The following TMEM260 variants were observed in gnomAD, a reference collection of about 807,000 sequenced individuals.
TMEM260 encodes the protein protein O-mannosyl-transferase TMEM260.
TMEM260 carries 82 observed loss-of-function variants against 88.9 expected under a neutral mutation model. That is an observed-to-expected ratio of 0.92 (90% CI 0.77 to 1.11). The LOEUF (loss-of-function observed/expected upper bound fraction) is 1.11, where lower values mean the gene tolerates loss of function less well. TMEM260 is among the 50% of genes least tolerant of loss of function. The pLI is 0.00. For synonymous variants in TMEM260, 314 were observed against 309.3 expected, an observed-to-expected ratio of 1.02 and a Z score of -0.16; for missense variants, 902 against 853.4, an observed-to-expected ratio of 1.06 and a Z score of -0.71.
chr14:56,654,814 CAAAAAAAAAAA>C (rs750160414), downstream of TMEM260, among the ~76,000 whole-genome samples: 2 of 51,790 alleles, frequency 3.9e-5, no homozygotes, highest in Non-Finnish European at 6.3e-5. Flanking sequence ...AACTCCATCT[CAAAAAAAAAAA>C]AAAAAAAAAA....
At chr14:56,625,832 G>A (rs1888213903) in intron 12 of TMEM260, among the ~76,000 whole-genome samples, 1 of 152,174 alleles carries the variant, frequency 6.6e-6, no homozygotes, top group South Asian at 2.1e-4. Flanking sequence ...CAGGTGGATG[G>A]CAAGCAATTA....
At chr14:56,593,012 A>C (rs1291979527) in intron 3 of TMEM260, 1 of 152,266 alleles carries the variant, frequency 6.6e-6, no homozygotes, top group Admixed American at 6.5e-5. Context: ...CTACACATGA[A>C]AATCAAATAC....
chr14:56,618,868 CAA>C (rs1198001522), intron 10 of TMEM260, 105 bp downstream of exon 10: 3 of 1,116,248 alleles, frequency 2.7e-6, no homozygotes, highest in Non-Finnish European at 3.8e-6. Context: ...TTTCAAGACT[CAA>C]AGTGAGACAG....
chr14:56,580,014 G>A lies in TMEM260; in HGVS notation c.100G>A (p.Ala34Thr). The A allele has an allele frequency of 8.0e-7, 1 of 1,248,148 alleles. No individual in the cohort carries two copies. Among genetic ancestry groups the A allele is most frequent in the Non-Finnish European group, 1.0e-6 (1 of 989,266 alleles). 77.3% of individuals were successfully genotyped at this position (1,248,148 alleles called of 1,614,324 possible). ...GGIRGGVAVF[A>T]AVAAVFTFTL... ...CATCCGCGGCGGCGTGGCGGTGTTC[G>A]CCGCCGTGGCCGCAGTGTTCACCTT... The change falls in exon 1 of 16, where the codon GCC becomes ACC. Residue 34 changes from alanine (A) to threonine (T), a missense_variant. Ala to Thr is a moderately conservative substitution (Grantham distance 58). Transcript: ENST00000261556.
At chr14:56,584,883 TAC>T in intron 1 of TMEM260, 116 bp from the exon 2 acceptor site, 1 of 750,888 alleles carries the variant, frequency 1.3e-6, no homozygotes, top group Non-Finnish European at 2.3e-6. Context: ...TCTACAGATT[TAC>T]AGTTTTATCC....
rs1232151843 is a variant in TMEM260 at position 56,647,423 on chromosome 14, C to G, written c.2050C>G (p.Gln684Glu). ...TCAGAAAGCACCGAATGACCCACAG[C>G]AAGCTGATATTTTAGGTGCTCTAAA... ...YSQKAPNDPQ[Q>E]ADILGALKHL... Residue 684 changes from glutamine to glutamate, a missense_variant, in exon 16 of 16, where the codon CAA (glutamine) becomes GAA (glutamate). Transcript: ENST00000261556. The G allele has an allele frequency of 6.2e-7, 1 of 1,614,158 alleles. No homozygotes were observed. The highest frequency in any genetic ancestry group is 1.3e-5 in the African/African-American group (1 of 75,038).
At chr14:56,596,518 G>A (rs1248545452) in intron 3 of TMEM260, among the ~76,000 whole-genome samples, 2 of 149,786 alleles carry the variant, frequency 1.3e-5, no homozygotes, top group African/African-American at 4.9e-5. Context: ...TGTAATCCCA[G>A]CACTTTGGGA....
In TMEM260 at chr14:56,633,384, G is replaced by A; in HGVS notation, c.1724+213G>A. 3 of 409,016 alleles carry A rather than the reference G, an allele frequency of 7.3e-6. No individual in the cohort carries two copies. The East Asian group carries it at 1.3e-4, about 18-fold the overall frequency. The allele number at this position is 409,016 out of a possible 1,614,324, so 25.3% of individuals were successfully genotyped here. On this transcript the variant is annotated intron_variant, in intron 13 of 15. Coordinates refer to ENST00000261556, the MANE Select transcript of TMEM260 (RefSeq NM_017799.4). The stretch of plus-strand genomic sequence containing the variant: ...ACAATGGGGAGAGAGGAGGGAAGAG[G>A]GTGCTGGTTGTGTGGATACCATGAT...
At chr14:56,662,989 G>A in the TMEM260 span, among the ~76,000 whole-genome samples, 5 of 152,138 alleles carry the variant, frequency 3.3e-5, no homozygotes, top group East Asian at 1.9e-4. Flanking sequence ...TTAGCCAGGC[G>A]TGGTGGCACA....
intron 10 of TMEM260, among the ~76,000 whole-genome samples, chr14:56,621,285 T>A (rs1234870003): frequency 6.6e-6 from 1 of 152,158 alleles, no homozygotes. Flanking sequence ...ACTGATTCCC[T>A]TTTTCTGGAA....
chr14:56,613,392 A>G (rs371117027), intron 7 of TMEM260: 4 of 152,188 alleles, frequency 2.6e-5, no homozygotes, highest in East Asian at 3.8e-4. Flanking sequence ...TTCTACTTCA[A>G]AAAAGGTACA....
intron 15 of TMEM260, among the ~76,000 whole-genome samples, chr14:56,646,195 A>G (rs1889955217): frequency 6.6e-6 from 1 of 152,250 alleles, no homozygotes; most frequent in Non-Finnish European, 1.5e-5. Context: ...TATATCAAAC[A>G]TGAATTGTGG....
intron 15 of TMEM260, among the ~76,000 whole-genome samples, chr14:56,639,928 G>C (rs1435915126): frequency 2.0e-5 from 3 of 152,186 alleles, no homozygotes; most frequent in Non-Finnish European, 1.5e-5. Flanking sequence ...TGGCAGCAAG[G>C]CTGGAGGAGG....
Position 56,648,078 on chromosome 14 carries a change from CACTA to C in TMEM260, c.*583_*586del, listed in dbSNP as rs1890077310. ...ACTGTCTTAGATCGTTCTTGGAAATCACTAAAAAAAAAAAAAGTTAATTTGATGT... is the reference window on the plus strand; with the variant it reads ...ACTGTCTTAGATCGTTCTTGGAAATCAAAAAAAAAAAAGTTAATTTGATGT... On this transcript the variant is annotated 3_prime_UTR_variant, in exon 16 of 16. Coordinates refer to ENST00000261556, the MANE Select transcript of TMEM260 (RefSeq NM_017799.4). 1 of 150,000 alleles carries C rather than the reference CACTA, an allele frequency of 6.7e-6. No individual in the cohort carries two copies. The highest frequency in any genetic ancestry group is 1.5e-5 in the Non-Finnish European group (1 of 67,562). 9.3% of individuals were successfully genotyped at this position (150,000 alleles called of 1,614,324 possible).
chr14:56,583,246 A>G (rs1885252556), intron 1 of TMEM260, among the ~76,000 whole-genome samples: 1 of 152,242 alleles, frequency 6.6e-6, no homozygotes, highest in Admixed American at 6.5e-5. Context: ...TGTTTGAGAC[A>G]TTGTGAGACC....
intron 15 of TMEM260, among the ~76,000 whole-genome samples, chr14:56,639,499 A>G (rs571997514): frequency 1.3e-5 from 2 of 152,310 alleles, no homozygotes; most frequent in East Asian, 3.9e-4. Flanking sequence ...TTTGTATAGA[A>G]ATATGTAGTA....
rs559412525 is a variant in TMEM260 at position 56,628,519 on chromosome 14, T to C, written c.1547+2989T>C. ...TTCTCATGTTTTCTTCTATGAGTTC[T>C]ATAGTTTTGTTTTTGTGTTTGGATG... On this transcript the variant is annotated intron_variant, in intron 12 of 15. Coordinates refer to ENST00000261556, the MANE Select transcript of TMEM260 (RefSeq NM_017799.4). Among the ~76,000 whole-genome samples, 3 of 152,352 alleles carry C rather than the reference T, an allele frequency of 2.0e-5. No homozygotes were observed. The East Asian group carries it at 5.8e-4, about 29-fold the overall frequency.
chr14:56,605,737 T>C (rs1886861615), intron 5 of TMEM260, 54 bp downstream of exon 5: 2 of 1,106,194 alleles, frequency 1.8e-6, no homozygotes, highest in African/African-American at 1.6e-5. Flanking sequence ...AGGTCTAATA[T>C]AACATTTTTG....
At chr14:56,594,081 G>A (rs1338867201) in intron 3 of TMEM260, among the ~76,000 whole-genome samples, 1 of 152,104 alleles carries the variant, frequency 6.6e-6, no homozygotes, top group Non-Finnish European at 1.5e-5. Context: ...GACCTAATAT[G>A]ATTTTTATCT....
Sources: gnomAD v4.1 joint callset for allele counts (sites outside exome capture counted in the v4.1 genomes callset) on GRCh38, gnomAD v4.1.1 for gene constraint, MANE v1.5 for transcripts, NCBI Gene and HGNC (gene_info 2026-07-23, HGNC 2026-07-21) for gene names.